ERICH1: variants seen among roughly 807,000 people sequenced by gnomAD.
ERICH1 encodes the protein glutamate rich 1, also known as glutamate-rich protein 1.
A neutral mutation model predicts 39.6 loss-of-function variants in ERICH1; 56 were observed. That is an observed-to-expected ratio of 1.41 (90% CI 1.14 to 1.77). The LOEUF (loss-of-function observed/expected upper bound fraction) is 1.77. ERICH1 is among the 40% of genes most tolerant of loss of function. The pLI is 0.00. For missense variants in ERICH1, 826 were observed against 575.4 expected, an observed-to-expected ratio of 1.44 and a Z score of -4.45; for synonymous variants, 313 against 223.6, an observed-to-expected ratio of 1.40 and a Z score of -3.57.
intron 3 of ERICH1, among the ~76,000 whole-genome samples, chr8:678,305 C>A (rs1269059850): frequency 6.6e-6 from 1 of 152,100 alleles, no homozygotes; most frequent in African/African-American, 2.4e-5. Context: ...ATCGGGAACA[C>A]GGAAGTGCCG....
intron 2 of ERICH1, among the ~76,000 whole-genome samples, chr8:695,630 CACCTGTGCTT>C (rs1810025228): frequency 3.6e-5 from 1 of 27,536 alleles, no homozygotes; most frequent in Non-Finnish European, 7.3e-5. Context: ...CATCAGCCTG[CACCTGTGCTT>C]GCTCCTCTCG....
chr8:656,581 C>T (rs375276237), intron 3 of ERICH1, among the ~76,000 whole-genome samples: 11 of 152,342 alleles, frequency 7.2e-5, no homozygotes, highest in Admixed American at 2.0e-4. Flanking sequence ...CCTCCATTAA[C>T]GATCTTGTTC....
chr8:710,115 C>G (rs1301188959), intron 2 of ERICH1, among the ~76,000 whole-genome samples: 2 of 152,194 alleles, frequency 1.3e-5, no homozygotes, highest in Non-Finnish European at 2.9e-5. Flanking sequence ...ATCAATAAAC[C>G]TACGCTGACA....
downstream of ERICH1, among the ~76,000 whole-genome samples, chr8:660,529 T>C (rs1305470773): frequency 1.3e-5 from 2 of 152,188 alleles, no homozygotes; most frequent in Non-Finnish European, 2.9e-5. Context: ...TGGCGGCCCG[T>C]GAGTCCCCAC....
chr8:726,964 TGCACACACGTAC>T (rs1818894087), intron 1 of ERICH1, among the ~76,000 whole-genome samples: 5 of 140,370 alleles, frequency 3.6e-5, no homozygotes, highest in African/African-American at 1.5e-4. Flanking sequence ...CACATACACA[TGCACACACGTAC>T]ACATACACAT....
chr8:688,296 TTCCGCCGCCCCGCC>T lies in ERICH1; in HGVS notation c.304+4168_304+4181del, dbSNP rs1808039344. On this transcript the variant is annotated intron_variant, in intron 3 of 5. Transcript: ENST00000262109. The stretch of plus-strand genomic sequence containing the variant: ...GCCCGTCCCCGCCCCGCCCCGGCCC[TTCCGCCGCCCCGCC>T]CCGGGCCACCCCACCTCGGCGCCAT... 2.5e-3 allele frequency among the ~76,000 whole-genome samples: 40 copies of T among 15,770 alleles called. 1 individual carries two copies. The highest frequency in any genetic ancestry group is 3.5e-3 in the Non-Finnish European group (24 of 6,928). 10.3% of individuals were successfully genotyped at this position (15,770 alleles called of 152,430 possible).
chr8:632,378 T>A (rs1193470326), intron 3 of ERICH1, among the ~76,000 whole-genome samples: 2 of 152,280 alleles, frequency 1.3e-5, no homozygotes, highest in East Asian at 3.9e-4. Context: ...TTAAAAATGA[T>A]CTTTTCTTAT....
intron 2 of ERICH1, among the ~76,000 whole-genome samples, chr8:698,570 C>T (rs767854687): frequency 3.3e-5 from 5 of 152,052 alleles, no homozygotes; most frequent in Non-Finnish European, 7.4e-5. Flanking sequence ...CCTCAATTCT[C>T]AATGACAAGG....
At chr8:632,018 A>C (rs866380009) in intron 3 of ERICH1, among the ~76,000 whole-genome samples, 2,380 of 152,220 alleles carry the variant, frequency 0.016, 55 homozygotes, top group African/African-American at 0.054. Flanking sequence ...CTCCCAAAGC[A>C]CCACAGCCGG....
chr8:622,400 A>C (rs1347626459), intron 3 of ERICH1, among the ~76,000 whole-genome samples: 1 of 152,174 alleles, frequency 6.6e-6, no homozygotes, highest in Non-Finnish European at 1.5e-5. Flanking sequence ...CTTTTATAAA[A>C]GAGGCCCCCA....
At chr8:616,553 C>A (rs1469048684) in intron 3 of ERICH1, 3 of 455,726 alleles carry the variant, frequency 6.6e-6, no homozygotes, top group African/African-American at 2.0e-5. Context: ...CATCTGGGAA[C>A]TGGAGCTGAA....
intron 3 of ERICH1, among the ~76,000 whole-genome samples, chr8:691,957 C>T (rs1585351664): frequency 6.6e-6 from 1 of 152,222 alleles, no homozygotes; most frequent in African/African-American, 2.4e-5. Flanking sequence ...CCATGCTCAA[C>T]AGTCAACCGT....
intron 3 of ERICH1, among the ~76,000 whole-genome samples, chr8:643,306 C>T (rs955316118): frequency 2.0e-5 from 3 of 152,056 alleles, no homozygotes; most frequent in Non-Finnish European, 2.9e-5. Flanking sequence ...CTCGCAGGGA[C>T]GGGAAGCTGG....
intron 3 of ERICH1, among the ~76,000 whole-genome samples, chr8:643,625 AG>A (rs917626612): frequency 6.6e-6 from 1 of 152,100 alleles, no homozygotes; most frequent in African/African-American, 2.4e-5. Context: ...CCTTCCTCAA[AG>A]GATGGACTTG....
Position 664,630 on chromosome 8 carries a change from ATG to A in ERICH1, c.1303_1304del (p.His435TyrfsTer4), listed in dbSNP as rs753865663. Reference protein sequence around the residue: ...ISAFFSYWITHILPEKSSD With the variant: ...ISAFFSYWITXILPEKSSD ...AGTCACTGCTCTTCTCAGGAAGGAT[ATG>A]TGTGATCCAGTAACTAAAGAAAGCT... On this transcript the variant is annotated frameshift_variant, in exon 6 of 6. Coordinates refer to ENST00000262109, the MANE Select transcript of ERICH1 (RefSeq NM_207332.3). LOFTEE classifies it high-confidence loss of function. 1 of 1,613,100 alleles carries A rather than the reference ATG, an allele frequency of 6.2e-7. No homozygotes were observed. Among genetic ancestry groups the A allele is most frequent in the South Asian group, 1.1e-5 (1 of 90,844 alleles).
chr8:630,107 C>A (rs1244872870), intron 3 of ERICH1, among the ~76,000 whole-genome samples: 2 of 125,804 alleles, frequency 1.6e-5, no homozygotes, highest in African/African-American at 6.7e-5. Context: ...TGACTCACAC[C>A]CTCCCGTGAG....
At chr8:726,653 C>G (rs1421103125) in intron 1 of ERICH1, among the ~76,000 whole-genome samples, 1 of 150,982 alleles carries the variant, frequency 6.6e-6, no homozygotes, top group Non-Finnish European at 1.5e-5. Flanking sequence ...CACATGTACA[C>G]AAGTGCCACA....
intron 4 of ERICH1, chr8:671,932 T>C: frequency 6.3e-6 from 1 of 159,710 alleles, no homozygotes; most frequent in Non-Finnish European, 1.4e-5. Flanking sequence ...CAGGCTCTGC[T>C]TTTGGTTTCT....
chr8:676,335 CG>C (rs377248207), intron 3 of ERICH1, among the ~76,000 whole-genome samples: 2 of 21,602 alleles, frequency 9.3e-5, no homozygotes, highest in Admixed American at 4.4e-4. Flanking sequence ...GGCGGCCCCT[CG>C]GCGAGGACAG....
Sources: gnomAD v4.1 joint callset for allele counts (sites outside exome capture counted in the v4.1 genomes callset) on GRCh38, gnomAD v4.1.1 for gene constraint, MANE v1.5 for transcripts, NCBI Gene and HGNC (gene_info 2026-07-23, HGNC 2026-07-21) for gene names.